ZNF83: variants seen among roughly 807,000 people sequenced by gnomAD.
The protein encoded by ZNF83 is zinc finger protein 816B.
For synonymous variants in ZNF83, 209 were observed against 213.0 expected (o/e 0.98, Z 0.17); for missense variants, 552 against 629.9 (o/e 0.88, Z 1.32).
intron 1 of ZNF83, among the ~76,000 whole-genome samples, chr19:52,664,543 G>A (rs1002996469): frequency 6.6e-6 from 1 of 152,082 alleles, no homozygotes; most frequent in Non-Finnish European, 1.5e-5. Flanking sequence ...GGGTCTAGGG[G>A]CAGGGAATCT....
chr19:52,640,301 G>A (rs960646269), upstream of ZNF83, among the ~76,000 whole-genome samples: 4 of 152,168 alleles, frequency 2.6e-5, no homozygotes, highest in African/African-American at 9.7e-5. Flanking sequence ...TGAGATCGGC[G>A]TTCCAAAGTA....
chr19:52,634,333 T>C (rs1354612669), intron 2 of ZNF83, among the ~76,000 whole-genome samples: 1 of 152,258 alleles, frequency 6.6e-6, no homozygotes. Context: ...CTCCATCCTC[T>C]AGGATACAAA....
At chr19:52,689,447 C>CAGAA (rs1219223046) in intron 1 of ZNF83, among the ~76,000 whole-genome samples, 158 of 152,188 alleles carry the variant, frequency 1.0e-3, no homozygotes, top group Middle Eastern at 3.4e-3. Flanking sequence ...TGTGCTTCTC[C>CAGAA]CTCTGTTCTC....
At chr19:52,619,306 T>C (rs2060445377) in intron 2 of ZNF83, among the ~76,000 whole-genome samples, 1 of 152,124 alleles carries the variant, frequency 6.6e-6, no homozygotes, top group Non-Finnish European at 1.5e-5. Flanking sequence ...CTCAAATAAA[T>C]AGATGCCTGG....
rs779430146 is a variant in ZNF83 at position 52,613,423 on chromosome 19, G to A, written c.1142C>T (p.Ala381Val). ...TACAAGATGTGAATTTTGACTGAAT[G>A]CTTTGTCACATTCATCACACTTATA... The change falls in exon 3 of 3, where the codon GCA becomes GTA. Residue 381 changes from alanine to valine, a missense_variant. Transcript: ENST00000301096. The A allele has an allele frequency of 1.2e-6, 2 of 1,613,328 alleles. No individual in the cohort carries two copies. Among genetic ancestry groups the A allele is most frequent in the Non-Finnish European group, 1.7e-6 (2 of 1,179,616 alleles).
chr19:52,663,219 G>C (rs142601229), intron 1 of ZNF83, among the ~76,000 whole-genome samples: 2 of 152,184 alleles, frequency 1.3e-5, no homozygotes, highest in East Asian at 3.9e-4. Flanking sequence ...CAAAAGAAAT[G>C]TCTCTTTCAA....
intron 1 of ZNF83, among the ~76,000 whole-genome samples, chr19:52,669,799 G>A (rs879921386): frequency 1.2e-4 from 19 of 152,128 alleles, no homozygotes; most frequent in Non-Finnish European, 2.1e-4. Flanking sequence ...CCATGCATCC[G>A]TGGGTTGGTG....
intron 1 of ZNF83, among the ~76,000 whole-genome samples, chr19:52,687,537 A>AGC (rs2062051157): frequency 1.1e-5 from 1 of 89,358 alleles, no homozygotes; most frequent in African/African-American, 4.3e-5. Flanking sequence ...TATAAATTAT[A>AGC]TATATAAATT....
intron 1 of ZNF83, among the ~76,000 whole-genome samples, chr19:52,685,897 C>CAAAAAAAAAAAAAAAAAA (rs3055370): frequency 7.6e-6 from 1 of 132,442 alleles, no homozygotes; most frequent in Non-Finnish European, 1.7e-5. Context: ...GTAACTGTCA[C>CAAAAAAAAAAAAAAAAAA]AAAAAAAAAA....
intron 2 of ZNF83, chr19:52,655,729 T>G (rs1407896846): frequency 2.3e-5 from 18 of 791,140 alleles, no homozygotes; most frequent in Non-Finnish European, 3.9e-5. Flanking sequence ...TAGGGAGGAG[T>G]CATTACCTTC....
rs577104367 is a variant in ZNF83, at chr19:52,631,938, C to T, written c.-234+3128G>A. ...CTACTCCTCAGGGATTATTCAGGCCCCCCTCCCTTCCCTACACATCAAGCT... is the reference window on the plus strand; with the variant it reads ...CTACTCCTCAGGGATTATTCAGGCCTCCCTCCCTTCCCTACACATCAAGCT... On this transcript the variant is annotated intron_variant, in intron 2 of 2. Coordinates refer to ENST00000301096, the Ensembl canonical transcript of ZNF83. Among the ~76,000 whole-genome samples the T allele has an allele frequency of 5.9e-4, 86 of 146,472 alleles. No homozygotes were observed. The East Asian group carries it at 0.015, about 26-fold the overall frequency.
At chr19:52,677,306 TA>T (rs67835464) in intron 1 of ZNF83, among the ~76,000 whole-genome samples, 6,604 of 106,322 alleles carry the variant, frequency 0.062, 327 homozygotes, top group African/African-American at 0.16. Context: ...AATTGAGAAG[TA>T]AAAAAAAAAA....
rs867994334 is a variant in ZNF83, at chr19:52,614,489, G to A, written c.76C>T (p.Pro26Ser). ...TCAGCTTGAAATAGCTGCAGTTCTG[G>A]TAGATGTGACTGCGGGTTTAATCCA... Residue 26 changes from proline to serine, a missense_variant, in exon 3 of 3, where the codon CCA becomes TCA. Physicochemically the swap from Pro to Ser is moderately conservative, Grantham distance 74 (BLOSUM62 -1). Transcript: ENST00000301096. The A allele has an allele frequency of 2.5e-6, 4 of 1,610,062 alleles. No homozygotes were observed. The South Asian group carries it at 4.4e-5, about 18-fold the overall frequency.
chr19:52,685,580 C>T (rs1413352342), intron 1 of ZNF83, among the ~76,000 whole-genome samples: 3 of 151,942 alleles, frequency 2.0e-5, no homozygotes, highest in Non-Finnish European at 2.9e-5. Context: ...AGAACTAAGA[C>T]GTAAGCGAAC....
intron 1 of ZNF83, among the ~76,000 whole-genome samples, chr19:52,672,254 A>G (rs2061736547): frequency 6.6e-6 from 1 of 152,216 alleles, no homozygotes; most frequent in Admixed American, 6.5e-5. Flanking sequence ...AAATAAAAAT[A>G]AAATGAAATT....
intron 2 of ZNF83, among the ~76,000 whole-genome samples, chr19:52,624,711 A>G (rs2060671802): frequency 6.6e-6 from 1 of 152,280 alleles, no homozygotes; most frequent in East Asian, 1.9e-4. Flanking sequence ...TTTTGTCCAA[A>G]CAACTTGACC....
At chr19:52,680,078 C>T (rs180831361) in intron 1 of ZNF83, among the ~76,000 whole-genome samples, 1 of 152,156 alleles carries the variant, frequency 6.6e-6, no homozygotes, top group African/African-American at 2.4e-5. Context: ...ACTTGAGAGG[C>T]TGAAGGAGGA....
At chr19:52,613,643 A>C in exon 3 of ZNF83, 1 of 1,611,238 alleles carries the variant, frequency 6.2e-7, no homozygotes, top group South Asian at 1.1e-5. Flanking sequence ...TGAATTCTCC[A>C]GTGATTTACT....
exon 3 of ZNF83, chr19:52,614,294 C>G (rs2060228672): frequency 6.2e-7 from 1 of 1,614,058 alleles, no homozygotes; most frequent in South Asian, 1.1e-5. Context: ...TTGTAGTGTT[C>G]TGTCCCAATA....
Sources: gnomAD v4.1 joint callset for allele counts (sites outside exome capture counted in the v4.1 genomes callset) on GRCh38, gnomAD v4.1.1 for gene constraint, MANE v1.5 for transcripts, NCBI Gene and HGNC (gene_info 2026-07-23, HGNC 2026-07-21) for gene names.